TSHZ2: variants seen among roughly 807,000 people sequenced by gnomAD.
TSHZ2 encodes teashirt zinc finger homeobox 2, also known as teashirt homolog 2.
Under a neutral mutation model 74.4 loss-of-function variants are expected in TSHZ2, and 21 were observed. That is an observed-to-expected ratio of 0.28 (90% CI 0.20 to 0.41). TSHZ2 has a LOEUF of 0.41. Ranked by LOEUF, TSHZ2 falls within the 10% of genes least tolerant of loss-of-function variation. The pLI, the probability that TSHZ2 is intolerant of heterozygous loss-of-function variation, is 1.00. For synonymous variants in TSHZ2, 540 were observed against 515.3 expected, an observed-to-expected ratio of 1.05 and a Z score of -0.65; for missense variants, 1,244 against 1,293.5, an observed-to-expected ratio of 0.96 and a Z score of 0.59.
intron 1 of TSHZ2, among the ~76,000 whole-genome samples, chr20:52,980,560 A>G (rs1221479147): frequency 2.0e-5 from 3 of 152,254 alleles, no homozygotes; most frequent in Non-Finnish European, 4.4e-5. Context: ...TCTTAAAGCC[A>G]CATCTAAGCC....
intron 1 of TSHZ2, among the ~76,000 whole-genome samples, chr20:52,983,881 C>A (rs1981658090): frequency 6.6e-6 from 1 of 152,220 alleles, no homozygotes; most frequent in Admixed American, 6.5e-5. Flanking sequence ...TCCGAGCCCC[C>A]CAGGACCTGG....
At chr20:53,235,315 G>C (rs1989918304) in intron 1 of TSHZ2, among the ~76,000 whole-genome samples, 1 of 152,004 alleles carries the variant, frequency 6.6e-6, no homozygotes, top group Middle Eastern at 3.4e-3. Flanking sequence ...TTACAGGCGT[G>C]GACCACCATA....
intron 2 of TSHZ2, among the ~76,000 whole-genome samples, chr20:53,435,266 G>T (rs1012493098): frequency 2.6e-5 from 4 of 152,174 alleles, no homozygotes; most frequent in African/African-American, 9.6e-5. Flanking sequence ...GATGCTAATG[G>T]ATGCAAAGAC....
Position 53,298,922 on chromosome 20 carries a change from A to C in TSHZ2, c.*8+42351A>C, listed in dbSNP as rs2145477184. Among the ~76,000 whole-genome samples the C allele has an allele frequency of 1.3e-5, 2 of 152,328 alleles. 1 individual carries two copies. Among genetic ancestry groups the C allele is most frequent in the Middle Eastern group, 6.8e-3 (2 of 294 alleles). On this transcript the variant is annotated intron_variant, in intron 2 of 2. Coordinates refer to ENST00000371497, the MANE Select transcript of TSHZ2 (RefSeq NM_173485.6). ...TGAGAAGTGCTCTGGTAAAATATGA[A>C]GTGCCTCTGTGAAGGTGTGAGCCTC...
intron 1 of TSHZ2, among the ~76,000 whole-genome samples, chr20:53,002,747 G>T (rs531285965): frequency 1.3e-5 from 2 of 152,226 alleles, no homozygotes; most frequent in South Asian, 4.1e-4. Flanking sequence ...CAGTATTTGG[G>T]ACCTACGGGC....
chr20:53,220,359 T>C (rs555420133), intron 1 of TSHZ2, among the ~76,000 whole-genome samples: 1 of 152,160 alleles, frequency 6.6e-6, no homozygotes, highest in Non-Finnish European at 1.5e-5. Flanking sequence ...GCTTTAAGAG[T>C]TTGAGCACTG....
intron 2 of TSHZ2, among the ~76,000 whole-genome samples, chr20:53,447,522 C>A (rs922889500): frequency 1.3e-5 from 2 of 152,198 alleles, no homozygotes; most frequent in Non-Finnish European, 1.5e-5. Context: ...CAATACTAGT[C>A]ACCAAACCAC....
chr20:53,011,602 A>G (rs1600644523), intron 1 of TSHZ2, among the ~76,000 whole-genome samples: 1 of 152,330 alleles, frequency 6.6e-6, no homozygotes, highest in East Asian at 1.9e-4. Flanking sequence ...AATATCAAAG[A>G]GCACACAGGA....
At chr20:53,393,603 A>G (rs156601) in intron 2 of TSHZ2, among the ~76,000 whole-genome samples, 136,895 of 152,078 alleles carry the variant, frequency 0.9, 61,791 homozygotes, top group African/African-American at 0.95. Context: ...TCTGTATCTT[A>G]GTTTCGGTGG....
chr20:53,034,327 A>T (rs1983745893), intron 1 of TSHZ2, among the ~76,000 whole-genome samples: 2 of 152,180 alleles, frequency 1.3e-5, no homozygotes, highest in South Asian at 4.1e-4. Context: ...GTTGGCTTAT[A>T]TATATTATCA....
chr20:53,300,276 C>A (rs1991456254), intron 2 of TSHZ2, among the ~76,000 whole-genome samples: 1 of 152,180 alleles, frequency 6.6e-6, no homozygotes, highest in Non-Finnish European at 1.5e-5. Context: ...ATTCAAGAGG[C>A]CTTCAAGTCA....
intron 2 of TSHZ2, among the ~76,000 whole-genome samples, chr20:53,340,975 C>T (rs1010493954): frequency 1.3e-5 from 2 of 152,176 alleles, no homozygotes; most frequent in African/African-American, 4.8e-5. Flanking sequence ...GGTGGCTGTG[C>T]TTGCCATTGT....
chr20:52,998,172 T>C (rs1048797906), intron 1 of TSHZ2, among the ~76,000 whole-genome samples: 2 of 146,914 alleles, frequency 1.4e-5, no homozygotes, highest in South Asian at 2.1e-4. Flanking sequence ...AGCTGTGCCT[T>C]CTTCTTTTTT....
intron 1 of TSHZ2, among the ~76,000 whole-genome samples, chr20:53,234,561 T>G (rs542704917): frequency 6.6e-6 from 1 of 152,234 alleles, no homozygotes; most frequent in South Asian, 2.1e-4. Context: ...AATTGGGAGT[T>G]CTGAAAGAAT....
intron 1 of TSHZ2, among the ~76,000 whole-genome samples, chr20:53,100,876 G>A (rs770500101): frequency 3.9e-5 from 6 of 152,056 alleles, no homozygotes; most frequent in East Asian, 1.9e-4. Flanking sequence ...AACTCCCCTC[G>A]CCAGAGGCAC....
intron 2 of TSHZ2, among the ~76,000 whole-genome samples, chr20:53,405,736 C>T (rs748935163): frequency 6.6e-6 from 1 of 152,148 alleles, no homozygotes; most frequent in African/African-American, 2.4e-5. Context: ...TGGCTTATGC[C>T]AGTAATGCCA....
At chr20:53,202,496 C>T (rs1455064365) in intron 1 of TSHZ2, among the ~76,000 whole-genome samples, 1 of 152,122 alleles carries the variant, frequency 6.6e-6, no homozygotes, top group East Asian at 1.9e-4. Context: ...ATTTAGCGAA[C>T]ACTTACTGCT....
chr20:53,210,918 A>C (rs990246389), intron 1 of TSHZ2, among the ~76,000 whole-genome samples: 2 of 152,134 alleles, frequency 1.3e-5, no homozygotes, highest in African/African-American at 4.8e-5. Flanking sequence ...TCCTACTTTA[A>C]ATATTTCTGC....
rs770744845 is a variant in TSHZ2 at position 53,270,139 on chromosome 20, C to T, written c.*8+13568C>T. On this transcript the variant is annotated intron_variant, in intron 2 of 2. Coordinates refer to ENST00000371497, the MANE Select transcript of TSHZ2 (RefSeq NM_173485.6). ...GTCTGATACTATATCCTTGTGCCCA[C>T]GCCTGGCTTCTGCTTGTTTTCCCCT... Among the ~76,000 whole-genome samples the T allele has an allele frequency of 3.9e-5, 6 of 152,104 alleles. No individual in the cohort carries two copies. In the East Asian group the frequency reaches 7.8e-4, roughly 20 times the overall value.
Sources: allele counts gnomAD v4.1 joint callset (sites outside exome capture counted in the v4.1 genomes callset), GRCh38; gene constraint gnomAD v4.1.1; transcripts MANE v1.5; gene names NCBI Gene and HGNC (gene_info 2026-07-23, HGNC 2026-07-21).